PRKCB: variants seen among roughly 807,000 people sequenced by gnomAD.
PRKCB encodes protein kinase C beta, also known as protein kinase C beta type.
Under a neutral mutation model 81.5 loss-of-function variants are expected in PRKCB, and 13 were observed. The observed-to-expected ratio is 0.16, with a 90% CI of 0.10 to 0.25. PRKCB has a LOEUF of 0.25. Among genes scored for constraint, PRKCB ranks in the 10% least tolerant of loss-of-function variants. PRKCB has a pLI of 1.00. For missense variants in PRKCB, 509 were observed against 875.7 expected (o/e 0.58, Z 5.29); for synonymous variants, 335 against 321.4 (o/e 1.04, Z -0.45).
At chr16:23,877,879 A>G (rs1048173054) in intron 2 of PRKCB, among the ~76,000 whole-genome samples, 3 of 149,404 alleles carry the variant, frequency 2.0e-5, no homozygotes, top group African/African-American at 7.4e-5. Context: ...CGTCATCCAC[A>G]CTGGAGTGCA....
chr16:24,158,006 G>A (rs185447227), intron 10 of PRKCB, among the ~76,000 whole-genome samples: 7 of 152,274 alleles, frequency 4.6e-5, no homozygotes, highest in Middle Eastern at 3.4e-3. Context: ...CTCCCCAACC[G>A]ACAAGTCCAA....
intron 16 of PRKCB, among the ~76,000 whole-genome samples, chr16:24,211,009 A>C (rs1968130738): frequency 6.6e-6 from 1 of 152,110 alleles, no homozygotes; most frequent in Non-Finnish European, 1.5e-5. Flanking sequence ...TGAATAAACA[A>C]ATGAATGAAT....
intron 2 of PRKCB, among the ~76,000 whole-genome samples, chr16:23,911,128 CTTTTTTTTT>C (rs567904157): frequency 3.2e-5 from 1 of 31,558 alleles, no homozygotes; most frequent in African/African-American, 1.3e-4. Context: ...CGTATATATG[CTTTTTTTTT>C]TTTTTTTTTT....
intron 5 of PRKCB, among the ~76,000 whole-genome samples, chr16:24,067,611 T>C (rs1016205086): frequency 6.6e-6 from 1 of 152,224 alleles, no homozygotes; most frequent in Non-Finnish European, 1.5e-5. Flanking sequence ...TTTTTGCTTC[T>C]GGTCCTATTT....
Position 24,217,049 on chromosome 16 carries a change from G to C in PRKCB, c.*2233G>C. 1 of 984,384 alleles carries C rather than the reference G, an allele frequency of 1.0e-6. No individual in the cohort carries two copies. The highest frequency in any genetic ancestry group is 1.2e-6 in the Non-Finnish European group (1 of 829,832). 61.0% of individuals were successfully genotyped at this position (984,384 alleles called of 1,614,324 possible). On this transcript the variant is annotated 3_prime_UTR_variant, in exon 17 of 17. Coordinates refer to ENST00000643927, the MANE Select transcript of PRKCB (RefSeq NM_002738.7). ...ACACTAGGCCATTGACAAATGATCT[G>C]AGACAACTTTAGAAAACAATGTAGG...
chr16:24,186,221 A>C (rs1967702092), intron 15 of PRKCB, among the ~76,000 whole-genome samples: 1 of 152,116 alleles, frequency 6.6e-6, no homozygotes, highest in South Asian at 2.1e-4. Flanking sequence ...ACCAGGGCAT[A>C]CTCACAGTGA....
intron 2 of PRKCB, among the ~76,000 whole-genome samples, chr16:23,978,069 C>A (rs1964648176): frequency 6.6e-6 from 1 of 152,126 alleles, no homozygotes; most frequent in African/African-American, 2.4e-5. Flanking sequence ...GATATTTTAA[C>A]ACAGAAATTC....
chr16:24,160,201 T>G (rs899888743), intron 10 of PRKCB, among the ~76,000 whole-genome samples: 2 of 150,914 alleles, frequency 1.3e-5, no homozygotes, highest in South Asian at 2.1e-4. Flanking sequence ...TTTTTTTTTT[T>G]TTTTTTTTTT....
chr16:23,958,329 G>A (rs1169418945), intron 2 of PRKCB, among the ~76,000 whole-genome samples: 5 of 149,982 alleles, frequency 3.3e-5, no homozygotes, highest in Admixed American at 6.7e-5. Flanking sequence ...TTTTGAGATG[G>A]GATCTCACTC....
At chr16:24,068,081 T>C (rs1481481254) in intron 5 of PRKCB, among the ~76,000 whole-genome samples, 1 of 152,132 alleles carries the variant, frequency 6.6e-6, no homozygotes, top group African/African-American at 2.4e-5. Flanking sequence ...CTATTTCTGG[T>C]TCATTTCCAC....
At chr16:24,151,068 T>A (rs1180985144) in intron 9 of PRKCB, among the ~76,000 whole-genome samples, 1 of 152,240 alleles carries the variant, frequency 6.6e-6, no homozygotes, top group Non-Finnish European at 1.5e-5. Context: ...CTTGAGATTG[T>A]TTTAGGTGCC....
At chr16:23,964,075 G>A (rs968716445) in intron 2 of PRKCB, among the ~76,000 whole-genome samples, 40 of 152,302 alleles carry the variant, frequency 2.6e-4, no homozygotes, top group African/African-American at 8.7e-4. Context: ...GTCCAATAGG[G>A]TAGCCACTAG....
At chr16:24,069,975 T>C (rs771388119) in intron 5 of PRKCB, among the ~76,000 whole-genome samples, 4 of 152,276 alleles carry the variant, frequency 2.6e-5, no homozygotes, top group Admixed American at 6.5e-5. Context: ...TGCTGGGCTA[T>C]GGCGTCACCA....
chr16:24,134,718 C>T (rs185995136), intron 9 of PRKCB, among the ~76,000 whole-genome samples: 28 of 151,658 alleles, frequency 1.8e-4, no homozygotes, highest in Admixed American at 1.3e-3. Context: ...CACTGCACTC[C>T]AGCCTGGGCG....
intron 15 of PRKCB, among the ~76,000 whole-genome samples, chr16:24,188,213 G>A (rs565275563): frequency 3.0e-4 from 45 of 152,234 alleles, no homozygotes; most frequent in Non-Finnish European, 5.3e-4. Flanking sequence ...TTGAGTTTGG[G>A]GACCATTATT....
chr16:23,866,911 C>G (rs1486245052), intron 2 of PRKCB, among the ~76,000 whole-genome samples: 1 of 151,196 alleles, frequency 6.6e-6, no homozygotes, highest in Non-Finnish European at 1.5e-5. Context: ...CTTTCCTGTC[C>G]CCTTCTCTTC....
chr16:24,102,976 G>A (rs556753062), intron 7 of PRKCB, among the ~76,000 whole-genome samples: 2 of 152,154 alleles, frequency 1.3e-5, no homozygotes, highest in South Asian at 4.2e-4. Flanking sequence ...AGGTTCAAGC[G>A]ACTCTCCTGA....
chr16:23,839,318 G>A (rs7199385), intron 2 of PRKCB, among the ~76,000 whole-genome samples: 72,102 of 141,342 alleles, frequency 0.51, 18,599 homozygotes, highest in East Asian at 0.66. Context: ...CTTTTGCCCC[G>A]GCTGGAGTAC....
intron 3 of PRKCB, among the ~76,000 whole-genome samples, chr16:24,015,090 C>T (rs569782511): frequency 7.2e-5 from 11 of 152,234 alleles, no homozygotes; most frequent in South Asian, 4.1e-4. Context: ...TGTGAACTGC[C>T]GCGCCTGGCC....
Sources: gnomAD v4.1 joint callset for allele counts (sites outside exome capture counted in the v4.1 genomes callset) on GRCh38, gnomAD v4.1.1 for gene constraint, MANE v1.5 for transcripts, NCBI Gene and HGNC (gene_info 2026-07-23, HGNC 2026-07-21) for gene names.